The following DYTN variants were observed in gnomAD, a reference collection of about 807,000 sequenced individuals.
The protein encoded by DYTN is dystrotelin.
In DYTN, 75 loss-of-function variants were observed where a neutral mutation model predicts 69.6. The observed-to-expected ratio is 1.08, with a 90% confidence interval of 0.89 to 1.31. The LOEUF (loss-of-function observed/expected upper bound fraction) is 1.31, where lower values mean the gene tolerates loss of function less well. Ranked by LOEUF, DYTN falls within the 50% of genes most tolerant of loss-of-function variation. DYTN has a pLI of 0.00. For synonymous variants in DYTN, 252 were observed against 249.1 expected (o/e 1.01, Z -0.11); for missense variants, 726 against 688.4 (o/e 1.05, Z -0.61).
intron 9 of DYTN, among the ~76,000 whole-genome samples, chr2:206,672,118 G>A (rs984480201): frequency 5.3e-5 from 8 of 152,274 alleles, no homozygotes; most frequent in Middle Eastern, 6.8e-3. Flanking sequence ...ATTACCTCTG[G>A]GGAATTAGGG....
chr2:206,691,318 C>T (rs184508795), intron 9 of DYTN, among the ~76,000 whole-genome samples: 180 of 151,978 alleles, frequency 1.2e-3, no homozygotes, highest in Admixed American at 3.2e-3. Flanking sequence ...GAGGCTGAGG[C>T]GGGAGAATTG....
chr2:206,667,883 T>C (rs1699591364), intron 9 of DYTN, among the ~76,000 whole-genome samples: 1 of 152,224 alleles, frequency 6.6e-6, no homozygotes, highest in Admixed American at 6.5e-5. Flanking sequence ...AAATGCAACA[T>C]TTCTCAGTGT....
intron 5 of DYTN, among the ~76,000 whole-genome samples, chr2:206,704,304 G>A (rs780214008): frequency 6.6e-6 from 1 of 152,208 alleles, no homozygotes; most frequent in Non-Finnish European, 1.5e-5. Context: ...TGAAAGAGGA[G>A]TAGTTTGTTA....
intron 9 of DYTN, among the ~76,000 whole-genome samples, chr2:206,671,697 A>C (rs530839461): frequency 6.6e-6 from 1 of 152,312 alleles, no homozygotes; most frequent in South Asian, 2.1e-4. Flanking sequence ...AAACCTTAAA[A>C]TTCTCAAATA....
rs772917591 is a variant in DYTN at position 206,663,122 on chromosome 2, TC to T, written c.1413del (p.Met472CysfsTer16). The T allele has an allele frequency of 1.2e-6, 2 of 1,613,924 alleles. No homozygotes were observed. Among genetic ancestry groups the T allele is most frequent in the South Asian group, 2.2e-5 (2 of 91,078 alleles). On this transcript the variant is annotated frameshift_variant, in exon 11 of 12. Coordinates refer to ENST00000452335, the MANE Select transcript of DYTN (RefSeq NM_001093730.1). LOFTEE classifies it high-confidence loss of function. ...AGGGCACTAATGACTTTCTGTGGCATCTTTTGTGTTTGGCTTTGTGCCCTGG... is the reference window on the plus strand; with the variant it reads ...AGGGCACTAATGACTTTCTGTGGCATTTTTGTGTTTGGCTTTGTGCCCTGG... The part of the protein sequence containing the change: ...HSTRAQSQTQ[K>X]MPQKVISALP...
At chr2:206,687,907 T>TTAAC (rs942321488) in intron 9 of DYTN, among the ~76,000 whole-genome samples, 4 of 152,234 alleles carry the variant, frequency 2.6e-5, no homozygotes, top group Non-Finnish European at 5.9e-5. Flanking sequence ...ATCTGTTGTA[T>TTAAC]TAACATCTGT....
At chr2:206,687,663 A>G (rs535541423) in intron 9 of DYTN, among the ~76,000 whole-genome samples, 1 of 151,888 alleles carries the variant, frequency 6.6e-6, no homozygotes, top group Non-Finnish European at 1.5e-5. Context: ...ATTTCAATCA[A>G]TTTGGAATTT....
At chr2:206,694,306 T>C (rs763282600) in intron 8 of DYTN, among the ~76,000 whole-genome samples, 3 of 152,214 alleles carry the variant, frequency 2.0e-5, no homozygotes, top group Non-Finnish European at 2.9e-5. Flanking sequence ...GAGATAATAA[T>C]CTTTCTTTTT....
chr2:206,659,820 G>A (rs1035089359), intron 11 of DYTN, among the ~76,000 whole-genome samples: 2 of 152,108 alleles, frequency 1.3e-5, no homozygotes, highest in Non-Finnish European at 2.9e-5. Flanking sequence ...TGGGTGAGGA[G>A]TGATATATAA....
rs184242013 is a variant in DYTN at position 206,707,341 on chromosome 2, G to A, written c.257C>T (p.Pro86Leu). 8.1e-6 allele frequency: 13 copies of A among 1,612,522 alleles called. No homozygotes were observed. The highest frequency in any genetic ancestry group is 2.2e-5 in the East Asian group (1 of 44,824). Residue 86 changes from proline to leucine, a missense_variant, in exon 3 of 12, where the codon CCG becomes CTG. Physicochemically the swap from Pro to Leu is moderately conservative, Grantham distance 98. Coordinates refer to ENST00000452335, the MANE Select transcript of DYTN (RefSeq NM_001093730.1). ...CGTGAGAAGGCTCAGAGTGAGTTCC[G>A]GAGCTCTGGGATGCACTTGTCCTGG... ...ENPGQVHPRAPELTLSLLTTM... is the reference protein window; with the variant it reads ...ENPGQVHPRALELTLSLLTTM...
chr2:206,663,903 A>G (rs970797200), intron 10 of DYTN, among the ~76,000 whole-genome samples: 8 of 152,316 alleles, frequency 5.3e-5, no homozygotes, highest in South Asian at 4.1e-4. Context: ...TTGTGATGTC[A>G]AAATTATGTT....
At chr2:206,716,305 C>T (rs1700130365) in intron 1 of DYTN, among the ~76,000 whole-genome samples, 1 of 152,060 alleles carries the variant, frequency 6.6e-6, no homozygotes, top group African/African-American at 2.4e-5. Flanking sequence ...TGAACCAGGC[C>T]AGAGCCACCC....
chr2:206,715,183 G>A (rs1700115257), intron 1 of DYTN, among the ~76,000 whole-genome samples: 1 of 152,144 alleles, frequency 6.6e-6, no homozygotes, highest in Admixed American at 6.5e-5. Context: ...GGAACAGGCA[G>A]GAGCTATTAG....
At chr2:206,716,933 C>T (rs796282152) in intron 1 of DYTN, among the ~76,000 whole-genome samples, 81 of 152,140 alleles carry the variant, frequency 5.3e-4, no homozygotes, top group African/African-American at 1.9e-3. Context: ...CAGCATAACA[C>T]GGCAAGCTGT....
rs755468929 is a variant in DYTN, at chr2:206,663,293, A to G, written c.1243T>C (p.Leu415=). The G allele has an allele frequency of 2.5e-6, 4 of 1,614,030 alleles. No homozygotes were observed. The highest frequency in any genetic ancestry group is 3.4e-6 in the Non-Finnish European group (4 of 1,179,890). ...TEKVPKGGDY[L]QIKNATEDAS... The stretch of plus-strand genomic sequence containing the variant: ...TCTTCAGTGGCATTCTTGATCTGCA[A>G]ATAATCCCCTCCCTTTGGAACCTTT... Residue 415 remains leucine, a synonymous_variant, in exon 11 of 12, where the codon TTG becomes CTG. Coordinates refer to ENST00000452335, the MANE Select transcript of DYTN (RefSeq NM_001093730.1).
chr2:206,694,919 T>TGG, intron 7 of DYTN, 42 bp from the exon 8 acceptor site: 8 of 1,063,358 alleles, frequency 7.5e-6, no homozygotes, highest in African/African-American at 2.4e-5. Context: ...CACTAGTAGA[T>TGG]GAGAAAAAAA....
intron 4 of DYTN, 79 bp downstream of exon 4, chr2:206,705,709 G>T: frequency 7.7e-7 from 1 of 1,292,482 alleles, no homozygotes; most frequent in Non-Finnish European, 1.1e-6. Flanking sequence ...AAGAGGCCTT[G>T]TGGCAGGGAT....
At chr2:206,692,126 T>C (rs893954857) in intron 9 of DYTN, among the ~76,000 whole-genome samples, 4 of 151,762 alleles carry the variant, frequency 2.6e-5, no homozygotes. Context: ...AACACAAATA[T>C]AAAAATTCAG....
intron 9 of DYTN, among the ~76,000 whole-genome samples, chr2:206,674,700 T>C (rs577183303): frequency 6.6e-6 from 1 of 152,102 alleles, no homozygotes; most frequent in African/African-American, 2.4e-5. Flanking sequence ...GTTTAAAGAA[T>C]AATCTACAAA....
Sources: gnomAD v4.1 joint callset for allele counts (sites outside exome capture counted in the v4.1 genomes callset) on GRCh38, gnomAD v4.1.1 for gene constraint, MANE v1.5 for transcripts, NCBI Gene and HGNC (gene_info 2026-07-23, HGNC 2026-07-21) for gene names.